Variants in DYNLRB1 observed in about 807,000 individuals in gnomAD.
DYNLRB1 encodes the protein ROBL/LC7-like 1.
DYNLRB1 carries 6 observed loss-of-function variants against 13.5 expected under a neutral mutation model. The observed-to-expected ratio is 0.44, with a 90% confidence interval of 0.24 to 0.88. The LOEUF (loss-of-function observed/expected upper bound fraction) is 0.88. Among genes scored for constraint, DYNLRB1 ranks in the 40% least tolerant of loss-of-function variants. The pLI is 0.21. For synonymous variants in DYNLRB1, 43 were observed against 45.0 expected, an observed-to-expected ratio of 0.96 and a Z score of 0.18; for missense variants, 93 against 127.2, an observed-to-expected ratio of 0.73 and a Z score of 1.29.
intron 2 of DYNLRB1, chr20:34,533,476 G>T: frequency 1.0e-6 from 1 of 985,476 alleles, no homozygotes; most frequent in Non-Finnish European, 1.2e-6. Flanking sequence ...TGGAAATCAT[G>T]ATGGTTATGT....
Position 34,540,715 on chromosome 20 carries a change from T to C in DYNLRB1, c.*91T>C. 1 of 1,389,374 alleles carries C rather than the reference T, an allele frequency of 7.2e-7. No individual in the cohort carries two copies. The highest frequency in any genetic ancestry group is 1.4e-5 in the African/African-American group (1 of 69,882). The allele number at this position is 1,389,374 out of a possible 1,614,324, so 86.1% of individuals were successfully genotyped here. ...ATGTCAGTGGACTAGCACATGGCAG[T>C]CGCTTGGAACCCACTCACACCAATC... On this transcript the variant is annotated 3_prime_UTR_variant, in exon 4 of 4. Transcript: ENST00000357156.
chr20:34,530,671 TC>T (rs1178395209), intron 2 of DYNLRB1: 1 of 152,200 alleles, frequency 6.6e-6, no homozygotes, highest in East Asian at 1.9e-4. Context: ...GAACACAGAA[TC>T]TGAGTTGGTC....
At chr20:34,536,808 G>T (rs1422161077) in intron 3 of DYNLRB1, among the ~76,000 whole-genome samples, 1 of 151,514 alleles carries the variant, frequency 6.6e-6, no homozygotes, top group Non-Finnish European at 1.5e-5. Context: ...GTGCACAGCA[G>T]ACCTTGTGCT....
intron 1 of DYNLRB1, among the ~76,000 whole-genome samples, chr20:34,522,721 G>C (rs888154762): frequency 6.6e-6 from 1 of 151,996 alleles, no homozygotes; most frequent in African/African-American, 2.4e-5. Flanking sequence ...CAGTCTACCT[G>C]CTTTGGTCCC....
intron 2 of DYNLRB1, among the ~76,000 whole-genome samples, chr20:34,529,453 G>T (rs1431329032): frequency 6.6e-6 from 1 of 152,206 alleles, no homozygotes; most frequent in Non-Finnish European, 1.5e-5. Flanking sequence ...TTCCAGCCAG[G>T]CGTGGTGGCT....
At chr20:34,533,359 A>G (rs548747337) in intron 2 of DYNLRB1, among the ~76,000 whole-genome samples, 2 of 152,206 alleles carry the variant, frequency 1.3e-5, no homozygotes, top group Non-Finnish European at 2.9e-5. Context: ...CAAAGGGTCA[A>G]CATGTTCCAT....
At chr20:34,535,606 T>G in intron 3 of DYNLRB1, 1 of 980,906 alleles carries the variant, frequency 1.0e-6, no homozygotes, top group Non-Finnish European at 1.2e-6. Flanking sequence ...TTTGCATTAT[T>G]ACTTTTTTCT....
Position 34,516,438 on chromosome 20 carries a change from G to A in DYNLRB1, c.-21G>A, listed in dbSNP as rs1979174532. ...GGACTCGCTAAGTGTTCGCTACGCGGGGCTACCGGATCGGTCGGAAATGGT... is the reference window on the plus strand; with the variant it reads ...GGACTCGCTAAGTGTTCGCTACGCGAGGCTACCGGATCGGTCGGAAATGGT... On this transcript the variant is annotated 5_prime_UTR_variant, in exon 1 of 4. Transcript: ENST00000357156. 5 of 1,613,176 alleles carry A rather than the reference G, an allele frequency of 3.1e-6. No homozygotes were observed. Among genetic ancestry groups the A allele is most frequent in the African/African-American group, 1.3e-5 (1 of 74,908 alleles).
intron 1 of DYNLRB1, among the ~76,000 whole-genome samples, chr20:34,521,785 G>A (rs113965212): frequency 2.6e-5 from 4 of 152,258 alleles, no homozygotes; most frequent in African/African-American, 9.6e-5. Flanking sequence ...GGTGGCTCAC[G>A]CCTGTAGTCC....
intron 2 of DYNLRB1, among the ~76,000 whole-genome samples, chr20:34,534,000 G>A (rs1027355839): frequency 2.0e-5 from 3 of 151,816 alleles, no homozygotes; most frequent in African/African-American, 7.3e-5. Flanking sequence ...AGCTAGCTGG[G>A]TGCTGTGGCA....
chr20:34,537,078 G>T (rs1173912422), intron 3 of DYNLRB1, among the ~76,000 whole-genome samples: 1 of 152,184 alleles, frequency 6.6e-6, no homozygotes, highest in African/African-American at 2.4e-5. Context: ...AGAATGGGCA[G>T]CTCCCAAGTA....
At chr20:34,522,463 CTTTTTCTTTTTTT>C (rs1300648638) in intron 1 of DYNLRB1, among the ~76,000 whole-genome samples, 1 of 101,270 alleles carries the variant, frequency 9.9e-6, no homozygotes, top group East Asian at 2.6e-4. Flanking sequence ...TTTCTTTTTT[CTTTTTCTTTTTTT>C]TTTTTTTTTT....
chr20:34,521,522 G>A (rs1354668821), intron 1 of DYNLRB1, among the ~76,000 whole-genome samples: 1 of 151,940 alleles, frequency 6.6e-6, no homozygotes, highest in Non-Finnish European at 1.5e-5. Flanking sequence ...TTCTTATACA[G>A]AAGTTTTATG....
chr20:34,538,834 G>A (rs1436923193), intron 3 of DYNLRB1, among the ~76,000 whole-genome samples: 1 of 152,216 alleles, frequency 6.6e-6, no homozygotes, highest in African/African-American at 2.4e-5. Context: ...CTCATGCTCA[G>A]CAGGGGGCAG....
At chr20:34,525,705 T>C (rs1374494324) in intron 1 of DYNLRB1, among the ~76,000 whole-genome samples, 2 of 152,136 alleles carry the variant, frequency 1.3e-5, no homozygotes, top group Non-Finnish European at 2.9e-5. Context: ...ACAGATGCCA[T>C]ATGCAAGAGT....
intron 2 of DYNLRB1, 139 bp downstream of exon 2, chr20:34,526,482 G>GTTATTT: frequency 3.7e-6 from 1 of 266,982 alleles, no homozygotes; most frequent in Non-Finnish European, 6.4e-6. Context: ...CACCTCCAGT[G>GTTATTT]TTCTTTTTTT....
intron 2 of DYNLRB1, among the ~76,000 whole-genome samples, chr20:34,532,097 C>T (rs923810818): frequency 2.6e-4 from 40 of 152,298 alleles, no homozygotes; most frequent in Non-Finnish European, 4.4e-4. Flanking sequence ...GGTCCTGGCC[C>T]TCGGTGGGTG....
intron 1 of DYNLRB1, among the ~76,000 whole-genome samples, chr20:34,521,447 T>C (rs1223157108): frequency 6.6e-6 from 1 of 152,240 alleles, no homozygotes; most frequent in Non-Finnish European, 1.5e-5. Flanking sequence ...ATTTTGTGTT[T>C]TTTTTTTATT....
chr20:34,516,310 G>C, upstream of DYNLRB1: 1 of 1,286,878 alleles, frequency 7.8e-7, no homozygotes, highest in Admixed American at 2.5e-5. Flanking sequence ...AATCCTGGCG[G>C]AGCCAAGATC....
Sources: allele counts gnomAD v4.1 joint callset (sites outside exome capture counted in the v4.1 genomes callset), GRCh38; gene constraint gnomAD v4.1.1; transcripts MANE v1.5; gene names NCBI Gene and HGNC (gene_info 2026-07-23, HGNC 2026-07-21).